SMARCA2: variants seen among roughly 807,000 people sequenced by gnomAD.
SMARCA2 encodes the protein SWI/SNF-related matrix-associated actin-dependent regulator of chromatin subfamily A member 2.
Under a neutral mutation model 199.8 loss-of-function variants are expected in SMARCA2, and 61 were observed. The observed-to-expected ratio is 0.31, with a 90% CI of 0.25 to 0.38. The LOEUF (loss-of-function observed/expected upper bound fraction) is 0.38, where lower values mean the gene tolerates loss of function less well. Among genes scored for constraint, SMARCA2 ranks in the 10% least tolerant of loss-of-function variants. SMARCA2 has a pLI of 1.00. For missense variants in SMARCA2, 1,344 were observed against 2,012.2 expected (o/e 0.67, Z 6.35); for synonymous variants, 935 against 732.0 (o/e 1.28, Z -4.48).
Position 2,123,594 on chromosome 9 carries a change from G to A in SMARCA2, c.3763-125G>A. 1 of 808,042 alleles carries A rather than the reference G, an allele frequency of 1.2e-6. No homozygotes were observed. Among genetic ancestry groups the A allele is most frequent in the Non-Finnish European group, 2.1e-6 (1 of 475,592 alleles). The allele number at this position is 808,042 out of a possible 1,614,324, so 50.1% of individuals were successfully genotyped here. On this transcript the variant is annotated intron_variant, in intron 26 of 33. Transcript: ENST00000349721. The surrounding 1 kb of genome is among the most constrained non-coding windows in gnomAD (Gnocchi z 4.1). ...GGGATGAGCTAGAACAAGCCAACCA[G>A]GATGAGAGAGGTTGAAAGGGACCCT...
At chr9:2,117,408 T>C (rs554813701) in intron 25 of SMARCA2, among the ~76,000 whole-genome samples, 8 of 152,370 alleles carry the variant, frequency 5.3e-5, no homozygotes, top group Non-Finnish European at 1.0e-4. Flanking sequence ...AAAATTTTTA[T>C]CTCAAATTAT....
rs111299451 is a variant in SMARCA2, at chr9:2,051,084, G to A, written c.1047-3513G>A. 4.2e-3 allele frequency among the ~76,000 whole-genome samples: 635 copies of A among 152,276 alleles called. 10 individuals carry two copies. Among genetic ancestry groups the A allele is most frequent in the African/African-American group, 0.015 (614 of 41,554 alleles). ...ACCTGCTGAATCTCACTGATGGGGA[G>A]ATGAAATTGTCTGGAGAGGAACATT... On this transcript the variant is annotated intron_variant, in intron 5 of 33. Transcript: ENST00000349721.
chr9:2,096,876 T>C (rs964884267), intron 20 of SMARCA2, 112 bp downstream of exon 20: 1 of 720,904 alleles, frequency 1.4e-6, no homozygotes, highest in African/African-American at 1.7e-5. Context: ...TTAAAGTAAA[T>C]CACTGGACCT....
At chr9:2,131,356 G>T (rs961447839) in intron 27 of SMARCA2, among the ~76,000 whole-genome samples, 3 of 152,150 alleles carry the variant, frequency 2.0e-5, no homozygotes, top group Non-Finnish European at 4.4e-5. Flanking sequence ...TACTGAATAA[G>T]CTCCTGGCGA....
chr9:2,182,791 G>A (rs1225319797), intron 31 of SMARCA2, among the ~76,000 whole-genome samples: 2 of 135,292 alleles, frequency 1.5e-5, no homozygotes, highest in Non-Finnish European at 3.1e-5. Context: ...CACCACACCC[G>A]GCCTCAAAGC....
At position 2,116,059 on chromosome 9, in the gene SMARCA2, A is replaced by T. The variant is rs370975530; in HGVS notation, c.3684+10A>T. The T allele has an allele frequency of 3.1e-6, 5 of 1,588,154 alleles. No individual in the cohort carries two copies. The African/African-American group carries it at 6.7e-5, about 21-fold the overall frequency. ...TGAGGAGGAAAATGAGGTATTAGAG[A>T]AAACCCCAAGTTTATGAAATCAAAC... On this transcript the variant is annotated intron_variant, in intron 25 of 33. Transcript: ENST00000349721.
At chr9:2,095,590 C>T (rs1175743282) in intron 19 of SMARCA2, among the ~76,000 whole-genome samples, 6 of 152,218 alleles carry the variant, frequency 3.9e-5, no homozygotes, top group African/African-American at 7.2e-5. Context: ...TGTAAAAGAG[C>T]GGGCTTTTCT....
At chr9:2,060,726 A>G (rs2130363021) in intron 8 of SMARCA2, 90 bp from the exon 9 acceptor site, 1 of 1,263,066 alleles carries the variant, frequency 7.9e-7, no homozygotes. Flanking sequence ...ACCAGTCAAA[A>G]TGCAGACTGT....
intron 32 of SMARCA2, among the ~76,000 whole-genome samples, chr9:2,190,307 T>A (rs1424471984): frequency 1.3e-5 from 2 of 148,278 alleles, no homozygotes; most frequent in African/African-American, 5.2e-5. Flanking sequence ...CCAAGATACA[T>A]TGAAATAGGT....
intron 28 of SMARCA2, among the ~76,000 whole-genome samples, chr9:2,166,172 AG>A (rs1425755842): frequency 2.0e-5 from 3 of 152,250 alleles, no homozygotes; most frequent in African/African-American, 7.2e-5. Flanking sequence ...TCCTTCAGGT[AG>A]GAACACTTCA....
At chr9:2,073,953 A>G (rs1162786659) in intron 12 of SMARCA2, among the ~76,000 whole-genome samples, 2 of 152,206 alleles carry the variant, frequency 1.3e-5, no homozygotes, top group Non-Finnish European at 2.9e-5. Context: ...GGGAAAGGCC[A>G]TACCATACCT....
At chr9:2,129,311 G>A (rs901846929) in intron 27 of SMARCA2, among the ~76,000 whole-genome samples, 2 of 152,092 alleles carry the variant, frequency 1.3e-5, no homozygotes, top group African/African-American at 2.4e-5. Context: ...CCAGCTGCTT[G>A]GGAGGCTGAG....
chr9:2,127,520 C>A (rs1041316735), intron 27 of SMARCA2, among the ~76,000 whole-genome samples: 9 of 152,200 alleles, frequency 5.9e-5, no homozygotes, highest in African/African-American at 2.2e-4. Context: ...GGGCTCCAGG[C>A]TGACAGAGCC....
intron 3 of SMARCA2, among the ~76,000 whole-genome samples, chr9:2,037,441 G>A (rs1819382622): frequency 6.6e-6 from 1 of 152,188 alleles, no homozygotes; most frequent in African/African-American, 2.4e-5. Flanking sequence ...CTCCTGAATA[G>A]AGTTCTACTT....
rs778367535 is a variant in SMARCA2, at chr9:2,056,674, G to C, written c.1176G>C (p.Leu392=). Residue 392 remains leucine (L), a splice_region_variant and synonymous_variant, in exon 7 of 34, where the codon CTG becomes CTC. Coordinates refer to ENST00000349721, the MANE Select transcript of SMARCA2 (RefSeq NM_003070.5). This position sits in a 1 kb window ranked among gnomAD's most constrained non-coding sequence, Gnocchi z 4.0. ...ALRLLNFQRQ[L]RQEVVACMRR... is the part of the protein sequence containing the mutation. ...TCTAACTGCTCTCTTCTTGACAGCT[G>C]AGACAGGAGGTGGTGGCCTGCATGC... 6.2e-7 allele frequency: 1 copy of C among 1,613,078 alleles called. No individual in the cohort carries two copies. Among genetic ancestry groups the C allele is most frequent in the East Asian group, 2.2e-5 (1 of 44,870 alleles).
intron 27 of SMARCA2, among the ~76,000 whole-genome samples, chr9:2,146,157 G>GT (rs1824733012): frequency 6.6e-6 from 1 of 152,204 alleles, no homozygotes; most frequent in Non-Finnish European, 1.5e-5. Flanking sequence ...TGGTGATTCT[G>GT]TTTCCTGGTT....
At chr9:2,060,682 G>T (rs1586660141) in intron 8 of SMARCA2, 134 bp from the exon 9 acceptor site, 5 of 723,936 alleles carry the variant, frequency 6.9e-6, no homozygotes, top group South Asian at 1.8e-5. Context: ...GCAATGGCTT[G>T]AACAGCCCAA....
rs3057852 is a variant in SMARCA2 at position 2,082,306 on chromosome 9, GGTGT to G, written c.2348+353_2348+356del. On this transcript the variant is annotated intron_variant, in intron 15 of 33. Coordinates refer to ENST00000349721, the MANE Select transcript of SMARCA2 (RefSeq NM_003070.5). ...CCTTAAGTGGCTCACAAAGGGGAAA[GGTGT>G]GTGTGTGTGTGTGTGTGTGTGTGTG... Among the ~76,000 whole-genome samples the G allele has an allele frequency of 0.019, 2,337 of 121,684 alleles. 30 individuals carry two copies. The highest frequency in any genetic ancestry group is 0.06 in the East Asian group (247 of 4,102). The allele number at this position is 121,684 out of a possible 152,430, so 79.8% of individuals were successfully genotyped here. A position where few individuals can be genotyped will look rare whatever the true frequency, so the allele number is the denominator to read the frequency against.
intron 29 of SMARCA2, among the ~76,000 whole-genome samples, chr9:2,176,182 G>GTTTTTTTTTTTTTTGTTTTTTTTTT (rs1554642562): frequency 7.7e-5 from 8 of 104,158 alleles, no homozygotes; most frequent in African/African-American, 3.0e-4. Flanking sequence ...CGCCCGGCCT[G>GTTTTTTTTTTTTTTGTTTTTTTTTT]TTTTTTTTTT....
Sources: gnomAD v4.1 joint callset for allele counts (sites outside exome capture counted in the v4.1 genomes callset) on GRCh38, gnomAD v4.1.1 for gene constraint, Gnocchi (gnomAD v3.1) non-coding constraint, MANE v1.5 for transcripts, NCBI Gene and HGNC (gene_info 2026-07-23, HGNC 2026-07-21) for gene names.